Variants in ATRNL1 observed in about 807,000 individuals in gnomAD.
The protein encoded by ATRNL1 is attractin like 1, also known as attractin-like protein 1.
In ATRNL1, 95 loss-of-function variants were observed where a neutral mutation model predicts 182.7. The ratio of observed to expected loss-of-function variants is 0.52; its 90% confidence interval spans 0.44 to 0.62. ATRNL1 has a LOEUF of 0.62. Ranked by LOEUF, ATRNL1 falls within the 20% of genes least tolerant of loss-of-function variation. The probability of loss-of-function intolerance (pLI) is 0.00; values close to 1 mark genes in which losing one functional copy is unlikely to be tolerated. For missense variants in ATRNL1, 1,471 were observed against 1,679.5 expected (o/e 0.88, Z 2.17); for synonymous variants, 576 against 568.3 (o/e 1.01, Z -0.19).
At position 115,469,234 on chromosome 10, in the gene ATRNL1, G is replaced by C. The variant is rs782294904; in HGVS notation, c.3559G>C (p.Asp1187His). 68 of 1,480,360 alleles carry C rather than the reference G, an allele frequency of 4.6e-5. No homozygotes were observed. Among genetic ancestry groups the C allele is most frequent in the Non-Finnish European group, 6.1e-5 (67 of 1,095,076 alleles). 91.7% of individuals were successfully genotyped at this position (1,480,360 alleles called of 1,614,324 possible). ...VSKNNIKEYR[D>H]SFSYEKFNFR... ...CAAGAATAATATAAAGGAATACAGA[G>C]ATAGTTTTTCCTATGAAAAATTTAA... Residue 1187 changes from aspartate to histidine, a missense_variant, in exon 24 of 29, where the codon GAT becomes CAT. This residue lies in a region of ATRNL1 where 437 missense variants were observed against 506.0 expected (regional missense o/e 0.86). Coordinates refer to ENST00000355044, the MANE Select transcript of ATRNL1 (RefSeq NM_207303.4).
intron 18 of ATRNL1, among the ~76,000 whole-genome samples, chr10:115,326,644 G>T (rs1355479512): frequency 1.3e-5 from 2 of 151,746 alleles, no homozygotes; most frequent in Non-Finnish European, 2.9e-5. Context: ...TAAGCCAAAA[G>T]AACAAAGCTG....
chr10:115,308,888 G>A (rs2420077), intron 17 of ATRNL1, among the ~76,000 whole-genome samples: 32,010 of 152,012 alleles, frequency 0.21, 4,279 homozygotes, highest in Non-Finnish European at 0.3. Context: ...ATGGTTTCAG[G>A]TGTTAGATTT....
At chr10:115,586,573 C>T (rs201082907) in intron 26 of ATRNL1, among the ~76,000 whole-genome samples, 4,078 of 69,036 alleles carry the variant, frequency 0.059, 44 homozygotes, top group East Asian at 0.092. Flanking sequence ...GCATTCTTCA[C>T]GTAGTTCTCG....
chr10:115,749,057 A>G (rs1207181470), intron 27 of ATRNL1, among the ~76,000 whole-genome samples: 1 of 151,942 alleles, frequency 6.6e-6, no homozygotes, highest in East Asian at 1.9e-4. Flanking sequence ...ATCTCTCAAG[A>G]TGAACCACAG....
At position 115,462,932 on chromosome 10, in the gene ATRNL1, T is replaced by C. The variant is rs1592694648; in HGVS notation, c.3417+897T>C. 3.3e-5 allele frequency among the ~76,000 whole-genome samples: 5 copies of C among 152,144 alleles called. No individual in the cohort carries two copies. In the South Asian group the frequency reaches 1.0e-3, roughly 32 times the overall value. ...TGAGACTTTATTAATTTGAAAATCCTGAGAATGGAAATATCAACCATAGGG... is the reference window on the plus strand; with the variant it reads ...TGAGACTTTATTAATTTGAAAATCCCGAGAATGGAAATATCAACCATAGGG... On this transcript the variant is annotated intron_variant, in intron 22 of 28. Coordinates refer to ENST00000355044, the MANE Select transcript of ATRNL1 (RefSeq NM_207303.4).
At chr10:115,420,752 A>T (rs1845615382) in intron 20 of ATRNL1, among the ~76,000 whole-genome samples, 1 of 152,130 alleles carries the variant, frequency 6.6e-6, no homozygotes, top group African/African-American at 2.4e-5. Flanking sequence ...CAAAGCATCA[A>T]GAAAATGAAG....
intron 28 of ATRNL1, among the ~76,000 whole-genome samples, chr10:115,939,846 C>T (rs1283394738): frequency 1.3e-5 from 2 of 152,122 alleles, no homozygotes; most frequent in Non-Finnish European, 2.9e-5. Context: ...GAAGACCTCT[C>T]ACCAGGAAAA....
intron 28 of ATRNL1, among the ~76,000 whole-genome samples, chr10:115,869,113 G>A (rs1269252386): frequency 6.6e-6 from 1 of 152,156 alleles, no homozygotes; most frequent in Non-Finnish European, 1.5e-5. Context: ...ACAGGCGTGA[G>A]CCACCGCAGC....
At chr10:115,602,713 A>T (rs1346952391) in intron 26 of ATRNL1, among the ~76,000 whole-genome samples, 1 of 152,186 alleles carries the variant, frequency 6.6e-6, no homozygotes, top group South Asian at 2.1e-4. Context: ...TATACAAAAA[A>T]TTAGCCGGGC....
At position 115,254,268 on chromosome 10, in the gene ATRNL1, C is replaced by G. The variant is rs186873442; in HGVS notation, c.1688-10925C>G. ...CTTCCACCAACAGTGTAAAAACATTCCTATTTCTCCGCATCCTCTCCAACA... is the reference window on the plus strand; with the variant it reads ...CTTCCACCAACAGTGTAAAAACATTGCTATTTCTCCGCATCCTCTCCAACA... On this transcript the variant is annotated intron_variant, in intron 10 of 28. Coordinates refer to ENST00000355044, the MANE Select transcript of ATRNL1 (RefSeq NM_207303.4). Among the ~76,000 whole-genome samples the G allele has an allele frequency of 2.7e-3, 416 of 152,284 alleles. 3 individuals are homozygous for G. The highest frequency in any genetic ancestry group is 9.5e-3 in the African/African-American group (396 of 41,556).
At chr10:115,390,018 T>A (rs537936757) in intron 19 of ATRNL1, among the ~76,000 whole-genome samples, 1 of 152,254 alleles carries the variant, frequency 6.6e-6, no homozygotes, top group Non-Finnish European at 1.5e-5. Flanking sequence ...TTTATTTAGG[T>A]CCTTTGTCCA....
At chr10:115,123,659 C>T (rs1303238330) in intron 3 of ATRNL1, among the ~76,000 whole-genome samples, 1 of 152,116 alleles carries the variant, frequency 6.6e-6, no homozygotes, top group Non-Finnish European at 1.5e-5. Flanking sequence ...ACAAGGGTCT[C>T]CTCTCCACCC....
chr10:115,292,344 T>C (rs1247181862), intron 15 of ATRNL1, among the ~76,000 whole-genome samples: 1 of 151,952 alleles, frequency 6.6e-6, no homozygotes, highest in Non-Finnish European at 1.5e-5. Flanking sequence ...TAGTCCTGAT[T>C]TCATTTCAAT....
intron 10 of ATRNL1, among the ~76,000 whole-genome samples, chr10:115,255,622 C>A (rs902186876): frequency 3.9e-5 from 6 of 152,154 alleles, no homozygotes; most frequent in Middle Eastern, 3.4e-3. Flanking sequence ...AATTGAATAC[C>A]CTTTATTTCT....
intron 27 of ATRNL1, among the ~76,000 whole-genome samples, chr10:115,843,212 A>G (rs1239237240): frequency 1.3e-5 from 2 of 152,070 alleles, no homozygotes; most frequent in African/African-American, 4.8e-5. Context: ...ATGTACATCA[A>G]TAAGTATAAT....
At chr10:115,668,303 A>G (rs1359576995) in intron 26 of ATRNL1, among the ~76,000 whole-genome samples, 1 of 152,114 alleles carries the variant, frequency 6.6e-6, no homozygotes, top group Non-Finnish European at 1.5e-5. Context: ...TGAATGGAGA[A>G]TTATTTTCCT....
chr10:115,511,772 T>C (rs1850397996), intron 24 of ATRNL1, among the ~76,000 whole-genome samples: 1 of 151,930 alleles, frequency 6.6e-6, no homozygotes, highest in South Asian at 2.1e-4. Flanking sequence ...ATTCAAGTTT[T>C]AGATTTTGGA....
chr10:115,736,956 T>C (rs1406543095), intron 27 of ATRNL1, among the ~76,000 whole-genome samples: 5 of 151,850 alleles, frequency 3.3e-5, no homozygotes, highest in Admixed American at 3.3e-4. Context: ...TCAAACTCAG[T>C]TTTCTTACCG....
chr10:115,166,538 G>T (rs575157027), intron 7 of ATRNL1, among the ~76,000 whole-genome samples: 4 of 151,692 alleles, frequency 2.6e-5, no homozygotes, highest in Non-Finnish European at 5.9e-5. Context: ...GTGCACAAGG[G>T]TTCCAGTTTG....
Sources: gnomAD v4.1 joint callset for allele counts (sites outside exome capture counted in the v4.1 genomes callset) on GRCh38, gnomAD v4.1.1 for gene constraint, gnomAD v4.1.1 regional missense constraint, MANE v1.5 for transcripts, NCBI Gene and HGNC (gene_info 2026-07-23, HGNC 2026-07-21) for gene names.